LRRK2: variants seen among roughly 807,000 people sequenced by gnomAD.
LRRK2 encodes the protein leucine-rich repeat serine/threonine-protein kinase 2.
Under a neutral mutation model 302.6 loss-of-function variants are expected in LRRK2, and 203 were observed. The observed-to-expected ratio is 0.67, with a 90% confidence interval of 0.60 to 0.75. The LOEUF (loss-of-function observed/expected upper bound fraction) is 0.75, where lower values mean the gene tolerates loss of function less well. Ranked by LOEUF, LRRK2 falls within the 30% of genes least tolerant of loss-of-function variation. LRRK2 has a pLI of 0.00. For synonymous variants in LRRK2, 1,066 were observed against 1,031.9 expected, an observed-to-expected ratio of 1.03 and a Z score of -0.63; for missense variants, 2,830 against 2,951.0, an observed-to-expected ratio of 0.96 and a Z score of 0.95.
At chr12:40,236,586 G>T (rs148688135) in intron 4 of LRRK2, among the ~76,000 whole-genome samples, 17 of 152,250 alleles carry the variant, frequency 1.1e-4, no homozygotes, top group African/African-American at 4.1e-4. Context: ...CTTCCATGTA[G>T]GGGAGGGCTT....
chr12:40,316,651 G>C, intron 33 of LRRK2, among the ~76,000 whole-genome samples: 1 of 151,832 alleles, frequency 6.6e-6, no homozygotes, highest in Admixed American at 6.6e-5. Context: ...TTGCCTCCCT[G>C]GTTCAGTGTA....
chr12:40,293,891 G>T (rs1944261110), intron 21 of LRRK2, among the ~76,000 whole-genome samples: 2 of 76,038 alleles, frequency 2.6e-5, no homozygotes, highest in African/African-American at 4.6e-5. Flanking sequence ...GAATTTTTTG[G>T]GGCACATATA....
chr12:40,301,003 G>A (rs1007225117), intron 25 of LRRK2: 2 of 467,710 alleles, frequency 4.3e-6, no homozygotes, highest in Admixed American at 2.3e-5. Flanking sequence ...ACCTAGGACA[G>A]GTATGACCTC....
At position 40,323,191 on chromosome 12, in the gene LRRK2, G is replaced by T. The variant is rs370951456; in HGVS notation, c.5541G>T (p.Arg1847Ser). The T allele has an allele frequency of 6.2e-7, 1 of 1,613,040 alleles. No homozygotes were observed. The highest frequency in any genetic ancestry group is 8.5e-7 in the Non-Finnish European group (1 of 1,179,418). Residue 1847 changes from arginine to serine, a missense_variant, in exon 38 of 51, where the codon AGG becomes AGT. Physicochemically the swap from Arg to Ser is moderately radical, Grantham distance 110 (BLOSUM62 -1). Around this residue, in one of 3 missense-constraint regions of LRRK2, gnomAD observed 2,121 missense variants for 2,148.0 expected, o/e 0.99. Transcript: ENST00000298910. ...GDLLVNPDQP[R>S]LTIPISQIAP... ...TCTTAGTAAATCCAGATCAACCAAGGCTCACCATTCCAATATCTCAGATTG... is the reference window on the plus strand; with the variant it reads ...TCTTAGTAAATCCAGATCAACCAAGTCTCACCATTCCAATATCTCAGATTG...
chr12:40,274,892 A>T lies in LRRK2; in HGVS notation c.1840A>T (p.Ile614Phe), dbSNP rs751678660. ...GGGTTTAAGTCTTATAGGATACTTG[A>T]TTACAAAGAAGAATGTGTTCATAGG... ...CLGLSLIGYLITKKNVFIGTG... is the reference protein window; with the variant it reads ...CLGLSLIGYLFTKKNVFIGTG... The change falls in exon 16 of 51, where the codon ATT becomes TTT. Residue 614 changes from isoleucine to phenylalanine, a missense_variant. This residue lies in a region of LRRK2 where 2,121 missense variants were observed against 2,148.0 expected (regional missense o/e 0.99). Transcript: ENST00000298910. 6.2e-7 allele frequency: 1 copy of T among 1,612,866 alleles called. No individual in the cohort carries two copies. The highest frequency in any genetic ancestry group is 8.5e-7 in the Non-Finnish European group (1 of 1,178,956).
chr12:40,244,642 C>T (rs373357635), intron 7 of LRRK2, among the ~76,000 whole-genome samples: 11 of 146,474 alleles, frequency 7.5e-5, no homozygotes, highest in Admixed American at 5.0e-4. Flanking sequence ...TTTTTAAAAC[C>T]GATTCATAGA....
intron 25 of LRRK2, among the ~76,000 whole-genome samples, chr12:40,301,435 A>T (rs1944620984): frequency 6.6e-6 from 1 of 152,092 alleles, no homozygotes; most frequent in Non-Finnish European, 1.5e-5. Context: ...AATCAATCAA[A>T]CAATCAATAA....
intron 39 of LRRK2, among the ~76,000 whole-genome samples, chr12:40,334,745 T>C (rs1244692767): frequency 1.3e-5 from 2 of 152,122 alleles, no homozygotes; most frequent in Non-Finnish European, 2.9e-5. Context: ...TGTGGACTCA[T>C]GCACTTCAAT....
At chr12:40,328,188 C>G (rs1046222630) in intron 38 of LRRK2, among the ~76,000 whole-genome samples, 172 bp from the exon 39 acceptor site, 3 of 152,152 alleles carry the variant, frequency 2.0e-5, no homozygotes, top group Non-Finnish European at 4.4e-5. Flanking sequence ...TTACATATAT[C>G]TTTCTTGGAG....
chr12:40,364,204 C>T (rs973280751), intron 48 of LRRK2, among the ~76,000 whole-genome samples: 1 of 151,964 alleles, frequency 6.6e-6, no homozygotes, highest in African/African-American at 2.4e-5. Flanking sequence ...CACACTATAT[C>T]TGTAAAAGGA....
In LRRK2 at chr12:40,310,480, T is replaced by C; in HGVS notation, c.4367T>C (p.Val1456Ala). 1 of 1,613,244 alleles carries C rather than the reference T, an allele frequency of 6.2e-7. No individual in the cohort carries two copies. Among genetic ancestry groups the C allele is most frequent in the Non-Finnish European group, 8.5e-7 (1 of 1,179,768 alleles). Reference sequence around the variant, plus strand: ...ATTCTCGTTGGCACACATTTGGATGTTTCTGATGAGAAGCAACGCAAAGCC... The same window carrying C: ...ATTCTCGTTGGCACACATTTGGATGCTTCTGATGAGAAGCAACGCAAAGCC... The part of the protein sequence containing the change: ...PVILVGTHLD[V>A]SDEKQRKACM... Residue 1456 changes from valine to alanine, a missense_variant, in exon 31 of 51, where the codon GTT becomes GCT. By Grantham distance (64) the Val-to-Ala change is moderately conservative. This residue lies in a region of LRRK2 where 2,121 missense variants were observed against 2,148.0 expected (regional missense o/e 0.99). Coordinates refer to ENST00000298910, the MANE Select transcript of LRRK2 (RefSeq NM_198578.4).
In LRRK2 at chr12:40,321,045, A is replaced by T; in HGVS notation, c.5027A>T (p.His1676Leu). The T allele has an allele frequency of 6.2e-7, 1 of 1,612,436 alleles. No homozygotes were observed. Among genetic ancestry groups the T allele is most frequent in the South Asian group, 1.1e-5 (1 of 91,052 alleles). Residue 1676 changes from histidine (H) to leucine (L), a missense_variant, in exon 35 of 51, where the codon CAC becomes CTC. His to Leu is a moderately conservative substitution (Grantham distance 99). Transcript: ENST00000298910. Reference protein sequence around the residue: ...YLLVPSSLSDHRPVIELPHCE... With the variant: ...YLLVPSSLSDLRPVIELPHCE... Reference sequence around the variant, plus strand: ...CCTTTTGCCTTTAGTTTGTCTGACCACAGGCCTGTGATAGAGCTTCCCCAT... The same window carrying T: ...CCTTTTGCCTTTAGTTTGTCTGACCTCAGGCCTGTGATAGAGCTTCCCCAT...
rs1292829428 is a variant in LRRK2, at chr12:40,225,054, G to A, written c.-78G>A. On this transcript the variant is annotated 5_prime_UTR_variant, in exon 1 of 51. It adds an upstream start codon to the 5' untranslated region. Transcript: ENST00000298910. ...GAGCTGAGCTCGCCCCCGGGGAGCTGTGGCCGGCGCCCCTGCCGGTTCCCT... is the reference window on the plus strand; with the variant it reads ...GAGCTGAGCTCGCCCCCGGGGAGCTATGGCCGGCGCCCCTGCCGGTTCCCT... The A allele has an allele frequency of 6.9e-6, 11 of 1,589,348 alleles. No homozygotes were observed. In the East Asian group the frequency reaches 1.4e-4, roughly 20 times the overall value.
At chr12:40,267,342 T>G (rs1022048175) in intron 14 of LRRK2, among the ~76,000 whole-genome samples, 5 of 152,206 alleles carry the variant, frequency 3.3e-5, no homozygotes, top group African/African-American at 1.2e-4. Context: ...TAAAACCAGT[T>G]GTTCTACATG....
intron 19 of LRRK2, chr12:40,286,729 A>G (rs1240359423): frequency 3.2e-5 from 5 of 154,008 alleles, no homozygotes; most frequent in Admixed American, 3.2e-4. Flanking sequence ...TCCTGGCTGT[A>G]TGTAGAACAA....
At chr12:40,295,364 T>C in intron 22 of LRRK2, 63 bp from the exon 23 acceptor site, 1 of 1,518,292 alleles carries the variant, frequency 6.6e-7, no homozygotes, top group South Asian at 1.1e-5. Flanking sequence ...CTCACTAAAC[T>C]TTTACTACAT....
chr12:40,236,084 TC>T (rs1565668606), intron 4 of LRRK2, among the ~76,000 whole-genome samples: 1 of 152,114 alleles, frequency 6.6e-6, no homozygotes, highest in Non-Finnish European at 1.5e-5. Flanking sequence ...CATCTCATAT[TC>T]CCCCAGGTTA....
intron 43 of LRRK2, 114 bp from the exon 44 acceptor site, chr12:40,351,425 T>G: frequency 2.2e-6 from 2 of 906,262 alleles, no homozygotes; most frequent in East Asian, 2.6e-5. Flanking sequence ...GGTTCCAGTT[T>G]AACAGTTTTA....
At chr12:40,315,962 G>A (rs1436167861) in intron 33 of LRRK2, among the ~76,000 whole-genome samples, 1 of 151,920 alleles carries the variant, frequency 6.6e-6, no homozygotes, top group East Asian at 1.9e-4. Flanking sequence ...ATAATTCTTT[G>A]TTGCACATTG....
Sources: gnomAD v4.1 joint callset for allele counts (sites outside exome capture counted in the v4.1 genomes callset) on GRCh38, gnomAD v4.1.1 for gene constraint, gnomAD v4.1.1 regional missense constraint, MANE v1.5 for transcripts, NCBI Gene and HGNC (gene_info 2026-07-23, HGNC 2026-07-21) for gene names.